Variants in RAD51B observed in about 807,000 individuals in gnomAD.
RAD51B encodes the protein RAD51 paralog B.
In RAD51B, 38 loss-of-function variants were observed where a neutral mutation model predicts 42.2. The ratio of observed to expected loss-of-function variants is 0.90; its 90% CI spans 0.70 to 1.18. RAD51B has a LOEUF of 1.18. Among genes scored for constraint, RAD51B ranks in the 50% most tolerant of loss-of-function variants. The probability of loss-of-function intolerance (pLI) is 0.00; values close to 1 mark genes in which losing one functional copy is unlikely to be tolerated. For missense variants in RAD51B, 373 were observed against 400.7 expected (o/e 0.93, Z 0.59); for synonymous variants, 154 against 145.2 (o/e 1.06, Z -0.43).
At chr14:68,507,098 C>A (rs918252433) in intron 10 of RAD51B, among the ~76,000 whole-genome samples, 2 of 152,030 alleles carry the variant, frequency 1.3e-5, no homozygotes, top group African/African-American at 4.8e-5. Flanking sequence ...GGAGTGTGGG[C>A]ATCACCGCAC....
At chr14:68,127,793 G>A (rs2077801124) in intron 7 of RAD51B, among the ~76,000 whole-genome samples, 1 of 152,122 alleles carries the variant, frequency 6.6e-6, no homozygotes, top group African/African-American at 2.4e-5. Flanking sequence ...ATGGTATTCT[G>A]TCATTTCTTA....
chr14:68,333,574 A>G (rs2139810333), intron 8 of RAD51B, among the ~76,000 whole-genome samples: 1 of 152,370 alleles, frequency 6.6e-6, no homozygotes. Flanking sequence ...CTTCACAGGT[A>G]AAATTATGTA....
intron 7 of RAD51B, among the ~76,000 whole-genome samples, chr14:67,927,811 A>G (rs995893478): frequency 2.0e-5 from 3 of 149,380 alleles, no homozygotes; most frequent in African/African-American, 7.7e-5. Context: ...ATGGTTCCAT[A>G]CAAATTTTAG....
intron 9 of RAD51B, among the ~76,000 whole-genome samples, chr14:68,432,870 T>G (rs1280841792): frequency 2.0e-5 from 3 of 152,196 alleles, no homozygotes; most frequent in Non-Finnish European, 4.4e-5. Context: ...TTGGCGTGCT[T>G]TTGCAGTGGC....
At chr14:67,886,300 G>A (rs554266119) in intron 6 of RAD51B, among the ~76,000 whole-genome samples, 3 of 152,226 alleles carry the variant, frequency 2.0e-5, no homozygotes, top group Admixed American at 2.0e-4. Context: ...GTTTCTGAGG[G>A]TTAAGTGTCT....
chr14:68,160,312 G>A (rs2078611482), intron 7 of RAD51B, among the ~76,000 whole-genome samples: 2 of 152,090 alleles, frequency 1.3e-5, no homozygotes, highest in Non-Finnish European at 2.9e-5. Context: ...CAGGTAATTT[G>A]CTCAGTGTTA....
At chr14:68,444,389 G>A (rs962935615) in intron 9 of RAD51B, among the ~76,000 whole-genome samples, 1 of 152,142 alleles carries the variant, frequency 6.6e-6, no homozygotes, top group Non-Finnish European at 1.5e-5. Context: ...CTGGATTAGG[G>A]GGCATTGTTT....
At chr14:68,152,972 T>C (rs1415649679) in intron 7 of RAD51B, among the ~76,000 whole-genome samples, 2 of 152,240 alleles carry the variant, frequency 1.3e-5, no homozygotes, top group African/African-American at 2.4e-5. Flanking sequence ...ATAGTGTATA[T>C]ATATCACATT....
At chr14:68,094,205 A>G (rs947297412) in intron 7 of RAD51B, among the ~76,000 whole-genome samples, 1 of 152,180 alleles carries the variant, frequency 6.6e-6, no homozygotes, top group Non-Finnish European at 1.5e-5. Context: ...CAAACATATC[A>G]CTTTTTAAAA....
intron 9 of RAD51B, among the ~76,000 whole-genome samples, chr14:68,419,174 A>G (rs2084635669): frequency 6.6e-6 from 1 of 152,220 alleles, no homozygotes; most frequent in African/African-American, 2.4e-5. Flanking sequence ...TTTGTTTTAC[A>G]GATGGCGGTA....
rs115801609 is a variant in RAD51B, at chr14:68,439,749, A to G, written c.957+28222A>G. Among the ~76,000 whole-genome samples the G allele has an allele frequency of 8.3e-3, 1,258 of 152,292 alleles. 15 individuals carry two copies. The highest frequency in any genetic ancestry group is 0.028 in the African/African-American group (1,173 of 41,558). ...TGTAGGATTTTCCAAAACTTTCCAG[A>G]TGTATCTAAGCTCAGGAAACATTTT... On this transcript the variant is annotated intron_variant, in intron 9 of 10. Coordinates refer to ENST00000471583, the MANE Select transcript of RAD51B (RefSeq NM_133510.4).
intron 10 of RAD51B, among the ~76,000 whole-genome samples, chr14:68,484,410 T>A (rs2842318): frequency 8.9e-5 from 13 of 146,514 alleles, no homozygotes; most frequent in African/African-American, 3.1e-4. Flanking sequence ...CAGGCTGGAG[T>A]ACAGTGGCGC....
intron 7 of RAD51B, among the ~76,000 whole-genome samples, chr14:68,080,654 T>A (rs2076898630): frequency 6.6e-6 from 1 of 152,206 alleles, no homozygotes; most frequent in Admixed American, 6.5e-5. Context: ...ACCAATGCCA[T>A]GATGAACAGT....
intron 9 of RAD51B, among the ~76,000 whole-genome samples, chr14:68,434,550 G>A (rs943774654): frequency 6.6e-6 from 1 of 152,234 alleles, no homozygotes; most frequent in Admixed American, 6.5e-5. Flanking sequence ...AGCCAGGCGT[G>A]CGTTATAATC....
At chr14:68,431,551 A>T (rs1214391952) in intron 9 of RAD51B, among the ~76,000 whole-genome samples, 1 of 152,180 alleles carries the variant, frequency 6.6e-6, no homozygotes, top group Non-Finnish European at 1.5e-5. Flanking sequence ...AGGTGTTTAT[A>T]GTATTCTCTG....
At chr14:68,605,213 C>G (rs61987063) in intron 10 of RAD51B, among the ~76,000 whole-genome samples, 25,213 of 152,154 alleles carry the variant, frequency 0.17, 2,317 homozygotes, top group Non-Finnish European at 0.21. Flanking sequence ...GGTTCCTTCT[C>G]GATGCACTGA....
chr14:68,085,640 C>T (rs2091726896), intron 7 of RAD51B, among the ~76,000 whole-genome samples: 1 of 152,070 alleles, frequency 6.6e-6, no homozygotes, highest in South Asian at 2.1e-4. Flanking sequence ...TTTTGGTAGT[C>T]TGGTAGTTTC....
At chr14:68,070,288 T>A (rs796495032) in intron 7 of RAD51B, among the ~76,000 whole-genome samples, 15 of 152,280 alleles carry the variant, frequency 9.9e-5, no homozygotes, top group African/African-American at 3.6e-4. Context: ...TTTAATTAGG[T>A]CTTACTTGTC....
At chr14:68,526,744 C>G (rs1030234340) in intron 10 of RAD51B, among the ~76,000 whole-genome samples, 1 of 152,206 alleles carries the variant, frequency 6.6e-6, no homozygotes, top group Non-Finnish European at 1.5e-5. Flanking sequence ...GATCTCAGCC[C>G]ACTGCATGGC....
Sources: allele counts gnomAD v4.1 joint callset (sites outside exome capture counted in the v4.1 genomes callset), GRCh38; gene constraint gnomAD v4.1.1; transcripts MANE v1.5; gene names NCBI Gene and HGNC (gene_info 2026-07-23, HGNC 2026-07-21).